Variants in NLGN1 observed in about 807,000 individuals in gnomAD.
NLGN1 encodes neuroligin 1.
In NLGN1, 12 loss-of-function variants were observed where a neutral mutation model predicts 65.5. The ratio of observed to expected loss-of-function variants is 0.18; its 90% CI spans 0.12 to 0.30. The LOEUF (loss-of-function observed/expected upper bound fraction) is 0.30. Among genes scored for constraint, NLGN1 ranks in the 10% least tolerant of loss-of-function variants. The pLI is 1.00. For synonymous variants in NLGN1, 350 were observed against 359.5 expected (o/e 0.97, Z 0.30); for missense variants, 750 against 1,007.1 (o/e 0.74, Z 3.46).
chr3:173,808,424 A>T (rs181492051), intron 4 of NLGN1, among the ~76,000 whole-genome samples: 4 of 152,306 alleles, frequency 2.6e-5, no homozygotes, highest in Non-Finnish European at 5.9e-5. Flanking sequence ...AAAGAATGAT[A>T]AATACAAAGT....
intron 2 of NLGN1, among the ~76,000 whole-genome samples, chr3:173,484,206 C>G (rs1727778212): frequency 6.6e-6 from 1 of 151,980 alleles, no homozygotes; most frequent in African/African-American, 2.4e-5. Flanking sequence ...GAGTTGCTCA[C>G]TGAGCAAATG....
chr3:173,723,075 C>A (rs1458401902), intron 3 of NLGN1, among the ~76,000 whole-genome samples: 4 of 152,132 alleles, frequency 2.6e-5, no homozygotes, highest in Non-Finnish European at 5.9e-5. Flanking sequence ...GAATGAACTG[C>A]AGAGGCAAAG....
chr3:173,435,846 TAAGA>T (rs1033248207), intron 2 of NLGN1, among the ~76,000 whole-genome samples: 1 of 151,742 alleles, frequency 6.6e-6, no homozygotes, highest in African/African-American at 2.4e-5. Context: ...AGAAAAAAAA[TAAGA>T]AAGAAAACTT....
intron 3 of NLGN1, among the ~76,000 whole-genome samples, chr3:173,703,381 A>G (rs1230392295): frequency 6.6e-6 from 1 of 152,152 alleles, no homozygotes; most frequent in African/African-American, 2.4e-5. Context: ...ATTTTTAAAA[A>G]TTGGTAATCA....
intron 3 of NLGN1, among the ~76,000 whole-genome samples, chr3:173,656,839 A>G (rs529775490): frequency 1.8e-4 from 27 of 152,134 alleles, no homozygotes; most frequent in Non-Finnish European, 4.0e-4. Flanking sequence ...TAGGAAAGGG[A>G]TCAAAGGGCA....
intron 4 of NLGN1, among the ~76,000 whole-genome samples, chr3:174,179,718 T>G (rs1241211679): frequency 6.6e-6 from 1 of 152,002 alleles, no homozygotes; most frequent in Non-Finnish European, 1.5e-5. Flanking sequence ...TCTAGAAAAA[T>G]TGAATATTTC....
chr3:173,845,202 T>C (rs1050748734), intron 4 of NLGN1, among the ~76,000 whole-genome samples: 4 of 152,226 alleles, frequency 2.6e-5, no homozygotes, highest in Non-Finnish European at 5.9e-5. Context: ...CTAATTATAG[T>C]GGAACAAATA....
intron 4 of NLGN1, among the ~76,000 whole-genome samples, chr3:174,229,851 T>C (rs1740379187): frequency 6.6e-6 from 1 of 152,160 alleles, no homozygotes; most frequent in South Asian, 2.1e-4. Context: ...TCTTGCTTTT[T>C]ATTGACTGTG....
At chr3:173,527,932 A>G (rs1244158301) in intron 2 of NLGN1, among the ~76,000 whole-genome samples, 7 of 152,124 alleles carry the variant, frequency 4.6e-5, no homozygotes, top group Non-Finnish European at 7.3e-5. Context: ...TTTTAAGTAG[A>G]GCATTTAGGT....
At chr3:174,232,227 G>C (rs1223121221) in intron 4 of NLGN1, among the ~76,000 whole-genome samples, 1 of 152,122 alleles carries the variant, frequency 6.6e-6, no homozygotes, top group African/African-American at 2.4e-5. Flanking sequence ...GCAGAGTGGG[G>C]TTCACAAGGT....
chr3:173,668,335 C>G (rs1002461471), intron 3 of NLGN1, among the ~76,000 whole-genome samples: 2 of 152,040 alleles, frequency 1.3e-5, no homozygotes, highest in Non-Finnish European at 2.9e-5. Context: ...CAGAAAAATA[C>G]CAGGCTCAAC....
intron 2 of NLGN1, among the ~76,000 whole-genome samples, chr3:173,477,747 C>A (rs1726491830): frequency 6.6e-6 from 1 of 151,986 alleles, no homozygotes. Context: ...AGCTTTTTTT[C>A]ATGTTTGTTG....
chr3:173,895,018 C>G (rs1485029784), intron 4 of NLGN1, among the ~76,000 whole-genome samples: 1 of 152,156 alleles, frequency 6.6e-6, no homozygotes, highest in Non-Finnish European at 1.5e-5. Flanking sequence ...ATTACAAAGA[C>G]TGGATTTCTT....
rs1249375081 is a variant in NLGN1 at position 173,945,684 on chromosome 3, A to G, written c.646+137852A>G. Among the ~76,000 whole-genome samples the G allele has an allele frequency of 2.0e-5, 3 of 152,192 alleles. No homozygotes were observed. In the East Asian group the frequency reaches 5.8e-4, roughly 29 times the overall value. On this transcript the variant is annotated intron_variant, in intron 4 of 6. Coordinates refer to ENST00000457714, the Ensembl canonical transcript of NLGN1. ...TAACAAATATTAACATTATATGTTC[A>G]GTATGTAAAATGTACTTTTTTCCCC...
At chr3:173,658,738 T>C (rs76719976) in intron 3 of NLGN1, among the ~76,000 whole-genome samples, 4,175 of 152,050 alleles carry the variant, frequency 0.027, 180 homozygotes, top group African/African-American at 0.095. Context: ...GTTTCAAGGG[T>C]ATGTAGGCAT....
chr3:173,824,319 C>A (rs1720907050), intron 4 of NLGN1, among the ~76,000 whole-genome samples: 1 of 152,086 alleles, frequency 6.6e-6, no homozygotes, highest in Non-Finnish European at 1.5e-5. Context: ...CTTGTACAAT[C>A]TTCAATCTGT....
At chr3:173,639,434 A>G (rs925652648) in intron 3 of NLGN1, among the ~76,000 whole-genome samples, 1 of 152,194 alleles carries the variant, frequency 6.6e-6, no homozygotes, top group African/African-American at 2.4e-5. Flanking sequence ...GCTGCTGGGT[A>G]GCCTTTCAGC....
intron 3 of NLGN1, among the ~76,000 whole-genome samples, chr3:173,677,600 A>T (rs1436497950): frequency 6.6e-6 from 1 of 152,106 alleles, no homozygotes; most frequent in Non-Finnish European, 1.5e-5. Context: ...TATAGATTTG[A>T]TAAGTTTATA....
At chr3:173,965,969 G>A (rs1319618930) in intron 4 of NLGN1, among the ~76,000 whole-genome samples, 1 of 151,928 alleles carries the variant, frequency 6.6e-6, no homozygotes, top group Non-Finnish European at 1.5e-5. Context: ...GGTGTTAGCA[G>A]TACAAATATC....
Sources: gnomAD v4.1 joint callset for allele counts (sites outside exome capture counted in the v4.1 genomes callset) on GRCh38, gnomAD v4.1.1 for gene constraint, MANE v1.5 for transcripts, NCBI Gene and HGNC (gene_info 2026-07-23, HGNC 2026-07-21) for gene names.